HAO2: variants seen among roughly 807,000 people sequenced by gnomAD.
HAO2 encodes 2-Hydroxyacid oxidase 2.
HAO2 carries 42 observed loss-of-function variants against 37.4 expected under a neutral mutation model. That is an observed-to-expected ratio of 1.12 (90% CI 0.88 to 1.45). The LOEUF (loss-of-function observed/expected upper bound fraction) is 1.45, where lower values mean the gene tolerates loss of function less well. HAO2 is among the 40% of genes most tolerant of loss of function. The probability of loss-of-function intolerance (pLI) is 0.00; values close to 1 mark genes in which losing one functional copy is unlikely to be tolerated. For synonymous variants in HAO2, 180 were observed against 162.8 expected (o/e 1.11, Z -0.81); for missense variants, 476 against 430.2 (o/e 1.11, Z -0.94).
chr1:119,392,037 G>A lies in HAO2; in HGVS notation c.772-73G>A, dbSNP rs1380050697. Reference sequence around the variant, plus strand: ...GCGTCTCCTCAGCTTGGTTTTCCTGGTCATATGCCAGGAAGACCAAGTCTG... The same window carrying A: ...GCGTCTCCTCAGCTTGGTTTTCCTGATCATATGCCAGGAAGACCAAGTCTG... On this transcript the variant is annotated intron_variant, in intron 5 of 7. Transcript: ENST00000325945. 5.8e-6 allele frequency: 8 copies of A among 1,389,038 alleles called. No homozygotes were observed. The African/African-American group carries it at 8.6e-5, about 15-fold the overall frequency. The allele number at this position is 1,389,038 out of a possible 1,614,324, so 86.0% of individuals were successfully genotyped here.
intron 1 of HAO2, among the ~76,000 whole-genome samples, chr1:119,375,760 C>A (rs1008858975): frequency 6.6e-6 from 1 of 152,184 alleles, no homozygotes; most frequent in Non-Finnish European, 1.5e-5. Context: ...AAAGGCAAGT[C>A]TTACATGGTG....
At position 119,389,147 on chromosome 1, in the gene HAO2, TATATATATATATATATATATAC is replaced by T. The variant is rs1198679485; in HGVS notation, c.771+2318_771+2339del. On this transcript the variant is annotated intron_variant, in intron 5 of 7. Transcript: ENST00000325945. Reference sequence around the variant, plus strand: ...TGAGTAGTATTTCATCATATATATATATATATATATATATATATATACACCACAGTTTCTTTATCCACTCATT... The same window carrying T: ...TGAGTAGTATTTCATCATATATATATACCACAGTTTCTTTATCCACTCATT... 1.2e-4 allele frequency among the ~76,000 whole-genome samples: 7 copies of T among 60,724 alleles called. 2 individuals carry two copies. The highest frequency in any genetic ancestry group is 4.1e-4 in the African/African-American group (7 of 17,004). 39.8% of individuals were successfully genotyped at this position (60,724 alleles called of 152,430 possible). A position where few individuals can be genotyped will look rare whatever the true frequency, so the allele number is the denominator to read the frequency against.
intron 1 of HAO2, among the ~76,000 whole-genome samples, chr1:119,369,859 G>A (rs866763414): frequency 6.6e-6 from 1 of 152,108 alleles, no homozygotes; most frequent in South Asian, 2.1e-4. Flanking sequence ...CTTCTTGAGA[G>A]CAGAAACTGA....
chr1:119,392,959 A>G (rs1165495608), intron 7 of HAO2, among the ~76,000 whole-genome samples: 1 of 152,160 alleles, frequency 6.6e-6, no homozygotes, highest in East Asian at 1.9e-4. Flanking sequence ...GACTATTGAC[A>G]TATCCCATGC....
chr1:119,377,116 G>T (rs752956382), intron 1 of HAO2, among the ~76,000 whole-genome samples: 13 of 152,182 alleles, frequency 8.5e-5, no homozygotes, highest in African/African-American at 3.1e-4. Context: ...TTAAAAATAA[G>T]TTTCAATTTT....
intron 1 of HAO2, among the ~76,000 whole-genome samples, chr1:119,373,354 G>A (rs1003623455): frequency 6.6e-6 from 1 of 152,164 alleles, no homozygotes; most frequent in Non-Finnish European, 1.5e-5. Flanking sequence ...ATATTGCCAG[G>A]CTATCCAGAA....
intron 1 of HAO2, among the ~76,000 whole-genome samples, chr1:119,380,033 A>G (rs1649789797): frequency 6.6e-6 from 1 of 152,158 alleles, no homozygotes; most frequent in Non-Finnish European, 1.5e-5. Context: ...AAAGCCATTC[A>G]GTTTCCACCC....
At chr1:119,387,001 C>T (rs780650406) in intron 5 of HAO2, among the ~76,000 whole-genome samples, 170 bp downstream of exon 5, 2 of 152,042 alleles carry the variant, frequency 1.3e-5, no homozygotes, top group Non-Finnish European at 2.9e-5. Flanking sequence ...TATTAGTAGC[C>T]TACTGTGTGC....
Position 119,384,990 on chromosome 1 carries a change from A to C in HAO2, c.498A>C (p.Arg166=). Residue 166 remains arginine (R), a synonymous_variant, in exon 4 of 8, where the codon CGA becomes CGC. Transcript: ENST00000325945. ...ATACACCTGTATGTGGCAACAGGCGACATGACATTCGAAACCAGTTGAGGA... is the reference window on the plus strand; with the variant it reads ...ATACACCTGTATGTGGCAACAGGCGCCATGACATTCGAAACCAGTTGAGGA... The part of the protein sequence containing the change: ...TLDTPVCGNR[R]HDIRNQLRRN... 1 of 1,613,976 alleles carries C rather than the reference A, an allele frequency of 6.2e-7. No individual in the cohort carries two copies. Among genetic ancestry groups the C allele is most frequent in the South Asian group, 1.1e-5 (1 of 91,066 alleles).
At chr1:119,379,527 T>C (rs182842723) in intron 1 of HAO2, among the ~76,000 whole-genome samples, 13 of 152,336 alleles carry the variant, frequency 8.5e-5, no homozygotes, top group African/African-American at 3.1e-4. Context: ...CTTGCAATGA[T>C]TAATTCATTT....
chr1:119,385,690 C>T (rs902063690), intron 4 of HAO2: 30 of 985,178 alleles, frequency 3.0e-5, no homozygotes, highest in Non-Finnish European at 3.4e-5. Context: ...CAGAGAGAGA[C>T]AGCCATGATA....
chr1:119,381,118 C>T lies in HAO2; in HGVS notation c.33C>T (p.Ala11=). 6.2e-7 allele frequency: 1 copy of T among 1,611,910 alleles called. No individual in the cohort carries two copies. The highest frequency in any genetic ancestry group is 8.5e-7 in the Non-Finnish European group (1 of 1,177,984). ...TGGTGTGTTTGACAGACTTTCAGGC[C>T]CATGCGCGAGAGCAGCTGTCTAAGT... MSLVCLTDFQ[A]HAREQLSKST... The change falls in exon 2 of 8, where the codon GCC becomes GCT. Residue 11 remains alanine (A), a synonymous_variant. Coordinates refer to ENST00000325945, the MANE Select transcript of HAO2 (RefSeq NM_016527.4).
intron 4 of HAO2, chr1:119,385,878 A>G (rs1650343042): frequency 3.0e-6 from 3 of 984,712 alleles, no homozygotes; most frequent in Non-Finnish European, 3.6e-6. Flanking sequence ...TGTTTGATGT[A>G]CATGGTGAGC....
chr1:119,381,781 C>T (rs780064443), intron 2 of HAO2, among the ~76,000 whole-genome samples: 1 of 152,110 alleles, frequency 6.6e-6, no homozygotes, highest in Non-Finnish European at 1.5e-5. Flanking sequence ...GATGGTTTTT[C>T]ATTTTTGAAT....
chr1:119,381,189 G>A lies in HAO2; in HGVS notation c.104G>A (p.Arg35Gln), dbSNP rs750746564. The change falls in exon 2 of 8, where the codon CGG (arginine) becomes CAG (glutamine). Residue 35 changes from arginine (R) to glutamine (Q), a missense_variant. By Grantham distance (43) the Arg-to-Gln change is conservative (BLOSUM62 1). Coordinates refer to ENST00000325945, the MANE Select transcript of HAO2 (RefSeq NM_016527.4). Reference protein sequence around the residue: ...IEGGADDSITRDDNIAAFKRI... With the variant: ...IEGGADDSITQDDNIAAFKRI... ...GGTGGAGCAGATGACAGCATCACGC[G>A]GGATGACAACATTGCAGCATTTAAA... The A allele has an allele frequency of 6.2e-6, 10 of 1,611,042 alleles. No homozygotes were observed. Among genetic ancestry groups the A allele is most frequent in the African/African-American group, 2.7e-5 (2 of 74,832 alleles).
chr1:119,377,163 G>A (rs1028608714), intron 1 of HAO2, among the ~76,000 whole-genome samples: 1 of 152,130 alleles, frequency 6.6e-6, no homozygotes, highest in African/African-American at 2.4e-5. Context: ...ACTGAATGCT[G>A]TTAACAGCCC....
At chr1:119,382,647 C>T (rs1055368382) in intron 2 of HAO2, among the ~76,000 whole-genome samples, 1 of 152,150 alleles carries the variant, frequency 6.6e-6, no homozygotes, top group African/African-American at 2.4e-5. Flanking sequence ...CAGAGCAAAG[C>T]AGGAATAGTG....
chr1:119,372,572 C>T (rs1300672501), intron 1 of HAO2, among the ~76,000 whole-genome samples: 1 of 152,198 alleles, frequency 6.6e-6, no homozygotes, highest in Non-Finnish European at 1.5e-5. Flanking sequence ...GGAAGAGGCA[C>T]ATCTGTGTAG....
chr1:119,380,583 G>A (rs1454774482), intron 1 of HAO2: 2 of 726,724 alleles, frequency 2.8e-6, no homozygotes, highest in African/African-American at 1.8e-5. Flanking sequence ...AGCTGGTGAG[G>A]CAGTGAAAAT....
Sources: gnomAD v4.1 joint callset for allele counts (sites outside exome capture counted in the v4.1 genomes callset) on GRCh38, gnomAD v4.1.1 for gene constraint, MANE v1.5 for transcripts, NCBI Gene and HGNC (gene_info 2026-07-23, HGNC 2026-07-21) for gene names.